CAPS2: variants seen among roughly 807,000 people sequenced by gnomAD.
CAPS2 encodes the protein calcyphosine 2, also known as calcyphosin-2.
CAPS2 carries 98 observed loss-of-function variants against 86.5 expected under a neutral mutation model. That is an observed-to-expected ratio of 1.13 (90% CI 0.96 to 1.34). The LOEUF (loss-of-function observed/expected upper bound fraction) is 1.34, where lower values mean the gene tolerates loss of function less well. Among genes scored for constraint, CAPS2 ranks in the 40% most tolerant of loss-of-function variants. CAPS2 has a pLI of 0.00. For synonymous variants in CAPS2, 210 were observed against 225.1 expected (o/e 0.93, Z 0.60); for missense variants, 729 against 686.8 (o/e 1.06, Z -0.69).
At chr12:75,305,389 G>A (rs1268593515) in intron 7 of CAPS2, 7 of 399,054 alleles carry the variant, frequency 1.8e-5, no homozygotes, top group Non-Finnish European at 3.3e-5. Context: ...AGTCGGCGGA[G>A]GGAGGGCAGA....
At chr12:75,277,660 T>C (rs1336176241) in exon 17 of CAPS2, 2 of 984,142 alleles carry the variant, frequency 2.0e-6, no homozygotes, top group South Asian at 4.7e-5. Flanking sequence ...TGGGTTCACA[T>C]GTATCACACT....
At chr12:75,287,570 T>C (rs894348942) in intron 14 of CAPS2, among the ~76,000 whole-genome samples, 3 of 152,090 alleles carry the variant, frequency 2.0e-5, no homozygotes, top group Non-Finnish European at 2.9e-5. Flanking sequence ...GTAGTCTCCA[T>C]AGAAAAGCCA....
rs569819089 is a variant in CAPS2 at position 75,363,101 on chromosome 12, G to C, written c.-395+27737C>G. The stretch of plus-strand genomic sequence containing the variant: ...CTAATCAATGTTTCTCTTTTTTACA[G>C]AGGAAATTTTGCAAATATGCCTCCT... On this transcript the variant is annotated intron_variant, in intron 1 of 5. Coordinates refer to the CAPS2 transcript ENST00000551829. 5 of 1,523,914 alleles carry C rather than the reference G, an allele frequency of 3.3e-6. No homozygotes were observed. In the South Asian group the frequency reaches 3.8e-5, roughly 12 times the overall value. 94.4% of individuals were successfully genotyped at this position (1,523,914 alleles called of 1,614,324 possible).
exon 13 of CAPS2, chr12:75,291,812 G>A: frequency 1.9e-6 from 3 of 1,541,632 alleles, no homozygotes; most frequent in Non-Finnish European, 2.7e-6. Context: ...CTGTTCCATA[G>A]AAGCAGTTCT....
chr12:75,374,525 C>T (rs2044548243), intron 1 of CAPS2, among the ~76,000 whole-genome samples: 1 of 152,208 alleles, frequency 6.6e-6, no homozygotes, highest in Non-Finnish European at 1.5e-5. Context: ...TTCCCATCCC[C>T]TCGCATGCAA....
chr12:75,357,477 G>T (rs2043226929), intron 1 of CAPS2, among the ~76,000 whole-genome samples: 1 of 151,868 alleles, frequency 6.6e-6, no homozygotes, highest in Admixed American at 6.6e-5. Context: ...AAATAAGTAG[G>T]GATATAGAGT....
chr12:75,284,044 C>T (rs1355522774), intron 15 of CAPS2, among the ~76,000 whole-genome samples: 1 of 152,148 alleles, frequency 6.6e-6, no homozygotes, highest in African/African-American at 2.4e-5. Context: ...CCCAAGCAAA[C>T]TAATACAGAA....
chr12:75,372,439 A>T (rs2044421288), intron 1 of CAPS2, among the ~76,000 whole-genome samples: 1 of 152,154 alleles, frequency 6.6e-6, no homozygotes, highest in South Asian at 2.1e-4. Flanking sequence ...GTTTAATAGA[A>T]TACTTCTTGT....
Position 75,338,701 on chromosome 12 carries a change from C to T in CAPS2, c.-394-15479G>A, listed in dbSNP as rs547443410. On this transcript the variant is annotated intron_variant, in intron 1 of 5. Transcript: ENST00000551829. ...GCTGCACAGATCAACCAATCACCCA[C>T]GTATTAAGCCCAGCATCTATTAGCT... 3.0e-4 allele frequency among the ~76,000 whole-genome samples: 46 copies of T among 152,160 alleles called. 1 individual carries two copies. In the South Asian group the frequency reaches 9.1e-3, roughly 30 times the overall value.
rs770242892 is a variant in CAPS2, at chr12:75,325,296, TA to T, written c.82-9del. 1,332 of 1,386,364 alleles carry T rather than the reference TA, an allele frequency of 9.6e-4. No homozygotes were observed. The highest frequency in any genetic ancestry group is 1.8e-3 in the South Asian group (126 of 70,392). The allele number at this position is 1,386,364 out of a possible 1,614,324, so 85.9% of individuals were successfully genotyped here. A position where few individuals can be genotyped will look rare whatever the true frequency, so the allele number is the denominator to read the frequency against. On this transcript the variant is annotated splice_polypyrimidine_tract_variant and intron_variant, in intron 1 of 16. Coordinates refer to ENST00000393284, the Ensembl canonical transcript of CAPS2. ...CTCAGAAGTCCACCTTTGCTTTAATTAAAAAAAAAACTTTTTGAATCAGTAT... is the reference window on the plus strand; with the variant it reads ...CTCAGAAGTCCACCTTTGCTTTAATTAAAAAAAAACTTTTTGAATCAGTAT...
At chr12:75,332,288 T>C (rs1325316779), upstream of CAPS2, among the ~76,000 whole-genome samples, 1 of 152,234 alleles carries the variant, frequency 6.6e-6, no homozygotes, top group Admixed American at 6.5e-5. Flanking sequence ...CCTATCAACC[T>C]TTACTGTTTT....
intron 7 of CAPS2, chr12:75,305,686 G>A (rs762494208): frequency 3.0e-6 from 2 of 657,720 alleles, no homozygotes; most frequent in Non-Finnish European, 5.8e-6. Context: ...AGTCTGGCCC[G>A]GCACAGCTGC....
chr12:75,377,849 A>C (rs2044735567), intron 1 of CAPS2, among the ~76,000 whole-genome samples: 1 of 42,156 alleles, frequency 2.4e-5, no homozygotes, highest in African/African-American at 7.9e-5. Flanking sequence ...AGATATATAT[A>C]TATATATATA....
Position 75,293,232 on chromosome 12 carries a change from A to G in CAPS2, c.1163+17T>C. 7.1e-7 allele frequency: 1 copy of G among 1,418,234 alleles called. No homozygotes were observed. Among genetic ancestry groups the G allele is most frequent in the Non-Finnish European group, 9.9e-7 (1 of 1,010,172 alleles). 87.9% of individuals were successfully genotyped at this position (1,418,234 alleles called of 1,614,324 possible). On this transcript the variant is annotated intron_variant, in intron 12 of 16. Coordinates refer to ENST00000393284, the Ensembl canonical transcript of CAPS2. ...TTTTCACCTACTTTCAAATTGCCAA[A>G]TGCATATTTAACTTACTTGAGAGAA...
intron 1 of CAPS2, among the ~76,000 whole-genome samples, chr12:75,369,274 G>A (rs1273488360): frequency 6.6e-6 from 1 of 151,694 alleles, no homozygotes; most frequent in African/African-American, 2.4e-5. Context: ...TTTATATTTT[G>A]TAGCATTCAT....
chr12:75,278,126 A>T, exon 17 of CAPS2: 1 of 922,770 alleles, frequency 1.1e-6, no homozygotes, highest in South Asian at 5.0e-5. Context: ...TCCCTTTCAT[A>T]TTGCTCAATA....
At chr12:75,329,776 T>C (rs374346528), upstream of CAPS2, 3,967 of 1,428,162 alleles carry the variant, frequency 2.8e-3, 10 homozygotes, top group South Asian at 3.9e-3. Context: ...CAGGGTAATA[T>C]CTCCTTTCAC....
upstream of CAPS2, chr12:75,329,794 C>A (rs2041130100): frequency 1.3e-6 from 2 of 1,516,964 alleles, no homozygotes; most frequent in Non-Finnish European, 1.8e-6. Flanking sequence ...CACCCCATCA[C>A]TCCCCCTGCT....
chr12:75,301,939 A>G (rs570270116), intron 8 of CAPS2, among the ~76,000 whole-genome samples: 1 of 152,340 alleles, frequency 6.6e-6, no homozygotes, highest in South Asian at 2.1e-4. Flanking sequence ...TGAATTTAGT[A>G]TTGATAAAGC....
Sources: allele counts gnomAD v4.1 joint callset (sites outside exome capture counted in the v4.1 genomes callset), GRCh38; gene constraint gnomAD v4.1.1; transcripts MANE v1.5; gene names NCBI Gene and HGNC (gene_info 2026-07-23, HGNC 2026-07-21).